ASTN2: variants seen among roughly 807,000 people sequenced by gnomAD.
ASTN2 encodes the protein astrotactin 2.
In ASTN2, 54 loss-of-function variants were observed where a neutral mutation model predicts 139.8. The observed-to-expected ratio is 0.39, with a 90% CI of 0.31 to 0.48. The LOEUF (loss-of-function observed/expected upper bound fraction) is 0.48, where lower values mean the gene tolerates loss of function less well. ASTN2 is among the 20% of genes least tolerant of loss of function. The pLI is 0.95. For missense variants in ASTN2, 1,565 were observed against 1,725.1 expected, an observed-to-expected ratio of 0.91 and a Z score of 1.64; for synonymous variants, 756 against 719.5, an observed-to-expected ratio of 1.05 and a Z score of -0.81.
intron 10 of ASTN2, among the ~76,000 whole-genome samples, chr9:116,963,861 T>C (rs980148210): frequency 7.9e-5 from 12 of 152,146 alleles, no homozygotes. Flanking sequence ...GGACATTTAT[T>C]TTCCTGGCTC....
At chr9:117,396,308 C>T (rs1830674969) in intron 1 of ASTN2, among the ~76,000 whole-genome samples, 1 of 152,100 alleles carries the variant, frequency 6.6e-6, no homozygotes, top group African/African-American at 2.4e-5. Context: ...GATGAGCCTG[C>T]GTTTCATGTT....
chr9:117,155,798 C>T (rs190457641), intron 3 of ASTN2, among the ~76,000 whole-genome samples: 11 of 152,144 alleles, frequency 7.2e-5, no homozygotes, highest in Admixed American at 5.2e-4. Flanking sequence ...TTTATAAACA[C>T]ATTCAACTGG....
intron 1 of ASTN2, among the ~76,000 whole-genome samples, chr9:117,332,790 A>G (rs1391996704): frequency 1.3e-5 from 2 of 152,246 alleles, no homozygotes; most frequent in Non-Finnish European, 2.9e-5. Context: ...TCAATATGGC[A>G]TATCCATACA....
chr9:116,730,702 A>C (rs1452498845), intron 14 of ASTN2, among the ~76,000 whole-genome samples: 1 of 152,204 alleles, frequency 6.6e-6, no homozygotes, highest in African/African-American at 2.4e-5. Context: ...TTGGCAGCCA[A>C]GGCCTATCTC....
chr9:117,408,477 C>T (rs563784630), intron 1 of ASTN2, among the ~76,000 whole-genome samples: 1 of 152,236 alleles, frequency 6.6e-6, no homozygotes, highest in Non-Finnish European at 1.5e-5. Context: ...TCAGTCTATC[C>T]TCCTCTCCCC....
intron 5 of ASTN2, among the ~76,000 whole-genome samples, chr9:117,076,750 C>A (rs1194560560): frequency 6.6e-6 from 1 of 152,158 alleles, no homozygotes; most frequent in African/African-American, 2.4e-5. Flanking sequence ...CACCTACCTA[C>A]CTGCCTCATG....
chr9:116,664,123 T>C (rs1166943184), intron 16 of ASTN2, among the ~76,000 whole-genome samples: 2 of 152,072 alleles, frequency 1.3e-5, no homozygotes, highest in Non-Finnish European at 2.9e-5. Context: ...CTATGAAGCA[T>C]CCAAACAGTG....
At chr9:117,142,577 C>T (rs907561441) in intron 3 of ASTN2, among the ~76,000 whole-genome samples, 2 of 152,140 alleles carry the variant, frequency 1.3e-5, no homozygotes, top group African/African-American at 4.8e-5. Flanking sequence ...CCAATACCTT[C>T]CAATGAATTG....
At chr9:116,490,652 G>A (rs2119097554) in intron 19 of ASTN2, among the ~76,000 whole-genome samples, 1 of 152,282 alleles carries the variant, frequency 6.6e-6, no homozygotes, top group African/African-American at 2.4e-5. Flanking sequence ...CTCTTCACAG[G>A]GTGGCAGGAG....
At chr9:116,939,312 AAT>A (rs571496949) in intron 10 of ASTN2, among the ~76,000 whole-genome samples, 1 of 152,150 alleles carries the variant, frequency 6.6e-6, no homozygotes, top group Non-Finnish European at 1.5e-5. Context: ...TACTCAATAA[AAT>A]AATCACTTTT....
Position 117,379,521 on chromosome 9 carries a change from T to C in ASTN2, c.442+34976A>G, listed in dbSNP as rs560282185. ...ACCCTTAATCCTTCCAGTTAAGCCT[T>C]CGAAGGCCTCCATTAGCAGTGTAAA... On this transcript the variant is annotated intron_variant, in intron 1 of 22. Transcript: ENST00000313400. Among the ~76,000 whole-genome samples the C allele has an allele frequency of 3.3e-5, 5 of 152,302 alleles. No individual in the cohort carries two copies. The East Asian group carries it at 5.8e-4, about 18-fold the overall frequency.
chr9:116,931,258 G>A (rs753858803), intron 10 of ASTN2, among the ~76,000 whole-genome samples: 24 of 152,060 alleles, frequency 1.6e-4, no homozygotes, highest in African/African-American at 4.1e-4. Flanking sequence ...TCCTGCCATC[G>A]GCCTATCCCT....
At chr9:116,537,722 T>A (rs1360274512) in intron 19 of ASTN2, among the ~76,000 whole-genome samples, 1 of 152,122 alleles carries the variant, frequency 6.6e-6, no homozygotes, top group Non-Finnish European at 1.5e-5. Context: ...TATCATAGAA[T>A]CAGAAGAGCT....
chr9:116,693,545 G>C (rs927331741), intron 16 of ASTN2, among the ~76,000 whole-genome samples: 7 of 152,190 alleles, frequency 4.6e-5, no homozygotes, highest in Admixed American at 6.5e-5. Flanking sequence ...AGTATGGTAT[G>C]GGATGTACAG....
At chr9:117,395,363 G>A (rs1830650323) in intron 1 of ASTN2, among the ~76,000 whole-genome samples, 1 of 152,136 alleles carries the variant, frequency 6.6e-6, no homozygotes, top group East Asian at 1.9e-4. Flanking sequence ...AAACATGCTG[G>A]GGAAGTCAAA....
chr9:116,728,411 C>T lies in ASTN2; in HGVS notation c.2626+581G>A, dbSNP rs541351028. On this transcript the variant is annotated intron_variant, in intron 15 of 22. Transcript: ENST00000313400. The stretch of plus-strand genomic sequence containing the variant: ...GACAAAGAGGTCCAGGCAGAGGGAA[C>T]GGTATGGGCAAAGTCACTGTGGCAT... Among the ~76,000 whole-genome samples the T allele has an allele frequency of 1.5e-4, 23 of 152,006 alleles. No individual in the cohort carries two copies. The South Asian group carries it at 3.5e-3, about 23-fold the overall frequency.
intron 3 of ASTN2, among the ~76,000 whole-genome samples, chr9:117,155,305 G>C (rs1218583865): frequency 3.9e-5 from 6 of 152,010 alleles, no homozygotes; most frequent in Non-Finnish European, 8.8e-5. Flanking sequence ...CAGTAGAGAG[G>C]ACAGGAAATC....
At chr9:116,441,386 T>C (rs1847835343) in intron 21 of ASTN2, among the ~76,000 whole-genome samples, 1 of 151,976 alleles carries the variant, frequency 6.6e-6, no homozygotes, top group South Asian at 2.1e-4. Context: ...AAAATCTGTA[T>C]GTGGTCCTAA....
chr9:117,295,408 G>GTC (rs957208007), intron 1 of ASTN2, among the ~76,000 whole-genome samples: 8 of 152,034 alleles, frequency 5.3e-5, no homozygotes, highest in Admixed American at 2.6e-4. Context: ...TGTGTTTATT[G>GTC]TCTCTCTCTC....
Sources: gnomAD v4.1 joint callset for allele counts (sites outside exome capture counted in the v4.1 genomes callset) on GRCh38, gnomAD v4.1.1 for gene constraint, MANE v1.5 for transcripts, NCBI Gene and HGNC (gene_info 2026-07-23, HGNC 2026-07-21) for gene names.